The following MYO6 variants were observed in gnomAD, a reference collection of about 807,000 sequenced individuals.
MYO6 encodes the protein unconventional myosin-VI.
MYO6 carries 74 observed loss-of-function variants against 178.7 expected under a neutral mutation model. That is an observed-to-expected ratio of 0.41 (90% CI 0.34 to 0.50). The LOEUF is 0.50. MYO6 is among the 20% of genes least tolerant of loss of function. The probability of loss-of-function intolerance (pLI) is 0.09; values close to 1 mark genes in which losing one functional copy is unlikely to be tolerated. For missense variants in MYO6, 1,330 were observed against 1,547.4 expected, an observed-to-expected ratio of 0.86 and a Z score of 2.36; for synonymous variants, 477 against 504.6, an observed-to-expected ratio of 0.95 and a Z score of 0.73.
At chr6:75,906,441 T>G (rs1473761171) in intron 30 of MYO6, among the ~76,000 whole-genome samples, 2 of 152,136 alleles carry the variant, frequency 1.3e-5, no homozygotes, top group African/African-American at 4.8e-5. Flanking sequence ...TTTGGGAGGC[T>G]GAGGTGGGCA....
intron 1 of MYO6, among the ~76,000 whole-genome samples, chr6:75,796,753 C>T (rs538127933): frequency 2.6e-5 from 4 of 152,038 alleles, no homozygotes; most frequent in Non-Finnish European, 5.9e-5. Context: ...CAGGCATGAG[C>T]CACCACACCT....
intron 29 of MYO6, among the ~76,000 whole-genome samples, chr6:75,896,579 A>T (rs9343327): frequency 0.4 from 60,373 of 152,086 alleles, 12,898 homozygotes; most frequent in Middle Eastern, 0.54. Flanking sequence ...AAAAAATACG[A>T]TGTTTACATG....
chr6:75,780,009 C>T (rs555279167), intron 1 of MYO6, among the ~76,000 whole-genome samples: 1 of 152,226 alleles, frequency 6.6e-6, no homozygotes, highest in East Asian at 1.9e-4. Flanking sequence ...TCTGTCTGGC[C>T]AAGGATTCTG....
intron 24 of MYO6, 67 bp downstream of exon 24, chr6:75,886,161 A>C: frequency 8.9e-7 from 1 of 1,118,436 alleles, no homozygotes; most frequent in Non-Finnish European, 1.3e-6. Context: ...ATGACAATAA[A>C]GTCATAATAA....
At chr6:75,820,775 C>G (rs1320307781) in intron 2 of MYO6, among the ~76,000 whole-genome samples, 1 of 152,082 alleles carries the variant, frequency 6.6e-6, no homozygotes. Flanking sequence ...ATCTCTCCCT[C>G]CCCCCCATTC....
At chr6:75,788,744 G>A (rs1018725444) in intron 1 of MYO6, among the ~76,000 whole-genome samples, 4 of 152,166 alleles carry the variant, frequency 2.6e-5, no homozygotes, top group Non-Finnish European at 5.9e-5. Context: ...GGTCCAGAAT[G>A]ATTTTGTCAG....
chr6:75,841,513 A>G, intron 9 of MYO6, 135 bp downstream of exon 9: 2 of 765,878 alleles, frequency 2.6e-6, no homozygotes, highest in Non-Finnish European at 4.1e-6. Context: ...ATGTAGCGAG[A>G]CCCTGTCTCT....
At chr6:75,765,531 A>G (rs1285470173) in intron 1 of MYO6, among the ~76,000 whole-genome samples, 1 of 152,004 alleles carries the variant, frequency 6.6e-6, no homozygotes, top group Non-Finnish European at 1.5e-5. Context: ...TAGGGAAGAA[A>G]TTTCTGAACT....
chr6:75,824,102 A>T (rs1482559282), intron 3 of MYO6, among the ~76,000 whole-genome samples: 1 of 152,204 alleles, frequency 6.6e-6, no homozygotes, highest in Non-Finnish European at 1.5e-5. Flanking sequence ...CAGAACTGGG[A>T]ATCAATCCTT....
chr6:75,756,237 AAAAC>A (rs1167100742), intron 1 of MYO6, among the ~76,000 whole-genome samples: 1 of 152,072 alleles, frequency 6.6e-6, no homozygotes, highest in Non-Finnish European at 1.5e-5. Flanking sequence ...TCAAAAAAAA[AAAAC>A]AACAAGCAAG....
intron 1 of MYO6, among the ~76,000 whole-genome samples, chr6:75,808,204 A>G (rs1770296664): frequency 6.6e-6 from 1 of 152,232 alleles, no homozygotes; most frequent in African/African-American, 2.4e-5. Flanking sequence ...AAACGTTTGT[A>G]TTCTGACACA....
At chr6:75,911,173 T>C (rs751888362) in intron 32 of MYO6, among the ~76,000 whole-genome samples, 3 of 152,006 alleles carry the variant, frequency 2.0e-5, no homozygotes, top group Non-Finnish European at 2.9e-5. Flanking sequence ...TGGAAAGTAG[T>C]TTTATTTTAT....
At chr6:75,806,736 C>T (rs998468360) in intron 1 of MYO6, among the ~76,000 whole-genome samples, 3 of 152,228 alleles carry the variant, frequency 2.0e-5, no homozygotes, top group African/African-American at 7.2e-5. Flanking sequence ...CTGCAGATAA[C>T]TAGCCAGACC....
intron 2 of MYO6, 45 bp downstream of exon 2, chr6:75,817,709 TAGG>T: frequency 6.4e-7 from 1 of 1,556,430 alleles, no homozygotes; most frequent in Non-Finnish European, 8.9e-7. Flanking sequence ...CTTTCAAAAA[TAGG>T]TGTTTTTTTT....
Position 75,873,246 on chromosome 6 carries a change from A to T in MYO6, c.2023A>T (p.Met675Leu). The T allele has an allele frequency of 6.2e-7, 1 of 1,614,110 alleles. No homozygotes were observed. Among genetic ancestry groups the T allele is most frequent in the East Asian group, 2.2e-5 (1 of 44,868 alleles). Residue 675 changes from methionine (M) to leucine (L), a missense_variant, in exon 20 of 35, where the codon ATG (methionine) becomes TTG (leucine). Met to Leu is a conservative substitution (Grantham distance 15, BLOSUM62 2). This residue lies in a region of MYO6 where 613 missense variants were observed against 816.8 expected (regional missense o/e 0.75). Coordinates refer to ENST00000369977, the MANE Select transcript of MYO6 (RefSeq NM_004999.4). The part of the protein sequence containing the change: ...FIRCIKPNLK[M>L]TSHHFEGAQI... ...TCGTTGCATCAAACCTAACTTAAAG[A>T]TGACAAGCCACCACTTTGAAGGTGC...
chr6:75,844,430 ACT>A (rs1774533671), intron 9 of MYO6, among the ~76,000 whole-genome samples: 1 of 152,156 alleles, frequency 6.6e-6, no homozygotes, highest in East Asian at 1.9e-4. Flanking sequence ...TAAAAAACTG[ACT>A]CTAAAAATCA....
chr6:75,880,360 A>G (rs1417389717), intron 22 of MYO6, among the ~76,000 whole-genome samples: 8 of 152,194 alleles, frequency 5.3e-5, no homozygotes, highest in Non-Finnish European at 1.2e-4. Flanking sequence ...TAAACTCCCC[A>G]TTTATTTTAG....
intron 7 of MYO6, among the ~76,000 whole-genome samples, chr6:75,837,568 T>C (rs1281850097): frequency 1.3e-5 from 2 of 152,182 alleles, no homozygotes; most frequent in Non-Finnish European, 2.9e-5. Context: ...CAAAAACTTA[T>C]TAGGGGCCTT....
intron 30 of MYO6, among the ~76,000 whole-genome samples, chr6:75,903,794 A>C (rs1184343298): frequency 2.6e-5 from 4 of 151,472 alleles, no homozygotes; most frequent in East Asian, 1.9e-4. Flanking sequence ...TGATTTTGCT[A>C]GTTAGTTGAT....
Sources: gnomAD v4.1 joint callset for allele counts (sites outside exome capture counted in the v4.1 genomes callset) on GRCh38, gnomAD v4.1.1 for gene constraint, gnomAD v4.1.1 regional missense constraint, MANE v1.5 for transcripts, NCBI Gene and HGNC (gene_info 2026-07-23, HGNC 2026-07-21) for gene names.